NLRX1: variants seen among roughly 807,000 people sequenced by gnomAD.
NLRX1 encodes NLR family member X1.
In NLRX1, 67 loss-of-function variants were observed where a neutral mutation model predicts 74.2. The ratio of observed to expected loss-of-function variants is 0.90; its 90% CI spans 0.74 to 1.11. NLRX1 has a LOEUF of 1.11. Ranked by LOEUF, NLRX1 falls within the 50% of genes least tolerant of loss-of-function variation. NLRX1 has a pLI of 0.00. For missense variants in NLRX1, 1,191 were observed against 1,305.4 expected (o/e 0.91, Z 1.35); for synonymous variants, 506 against 559.1 (o/e 0.91, Z 1.34).
Position 119,168,828 on chromosome 11 carries a change from A to T in NLRX1, c.-523A>T, listed in dbSNP as rs1454363240. 6.6e-6 allele frequency: 1 copy of T among 151,800 alleles called. No homozygotes were observed. The highest frequency in any genetic ancestry group is 1.9e-4 in the East Asian group (1 of 5,156). The allele number at this position is 151,800 out of a possible 1,614,324, so 9.4% of individuals were successfully genotyped here. A position where few individuals can be genotyped will look rare whatever the true frequency, so the allele number is the denominator to read the frequency against. ...CCGGAGCACCGGGCCCCTCTCGCTG[A>T]CCCCCTCGTCCCAGGACCCCGCAGG... is the stretch of plus-strand genomic sequence containing the variant. On this transcript the variant is annotated 5_prime_UTR_variant, in exon 1 of 10. An upstream open reading frame in the 5' UTR loses its in-frame stop. Transcript: ENST00000409109.
At position 119,174,114 on chromosome 11, in the gene NLRX1, C is replaced by T. The variant is rs1458128936; in HGVS notation, c.849+16C>T. 2 of 1,610,970 alleles carry T rather than the reference C, an allele frequency of 1.2e-6. No individual in the cohort carries two copies. Among genetic ancestry groups the T allele is most frequent in the African/African-American group, 1.3e-5 (1 of 74,894 alleles). ...GCTGCCTCAGGTGGGTGGCCCTTTA[C>T]CCCAGGTTATCACTGCTGCCCGTTG... On this transcript the variant is annotated intron_variant, in intron 5 of 9. Coordinates refer to ENST00000409109, the MANE Select transcript of NLRX1 (RefSeq NM_001282144.2).
In NLRX1 at chr11:119,173,442, C is replaced by G. The variant is rs1161289802; in HGVS notation, c.230-37C>G. 1 of 1,594,168 alleles carries G rather than the reference C, an allele frequency of 6.3e-7. No individual in the cohort carries two copies. The highest frequency in any genetic ancestry group is 1.7e-5 in the Admixed American group (1 of 59,548). Reference sequence around the variant, plus strand: ...TGGCCCTAAGCTACATCTCCAGGCCCCTTTCCCTGACACATTTCCCTTATC... The same window carrying G: ...TGGCCCTAAGCTACATCTCCAGGCCGCTTTCCCTGACACATTTCCCTTATC... On this transcript the variant is annotated intron_variant, in intron 4 of 9. Transcript: ENST00000409109. The surrounding 1 kb of genome is among the most constrained non-coding windows in gnomAD (Gnocchi z 4.0).
rs756902245 is a variant in NLRX1, at chr11:119,179,862, C to G, written c.1841C>G (p.Pro614Arg). The G allele has an allele frequency of 1.5e-5, 25 of 1,613,888 alleles. No individual in the cohort carries two copies. The highest frequency in any genetic ancestry group is 2.0e-5 in the Non-Finnish European group (24 of 1,179,956). ...GGCCCCCGGCGCCACCCAGATGAGC[C>G]CCCTGAGGATGAAGTCTTCGAGCTC... ...VEGPRRHPDE[P>R]PEDEVFELFP... Residue 614 changes from proline to arginine, a missense_variant, in exon 7 of 10, where the codon CCC (proline) becomes CGC (arginine). Coordinates refer to ENST00000409109, the MANE Select transcript of NLRX1 (RefSeq NM_001282144.2).
In NLRX1 at chr11:119,179,733, G is replaced by C; in HGVS notation, c.1712G>C (p.Arg571Pro). Residue 571 changes from arginine to proline, a missense_variant, in exon 7 of 10, where the codon CGG becomes CCG. Coordinates refer to ENST00000409109, the MANE Select transcript of NLRX1 (RefSeq NM_001282144.2). ...RVFGRMVGKS[R>P]EAVAQAMVLE... is the part of the protein sequence containing the mutation. ...TTTGGGCGCATGGTGGGTAAAAGCC[G>C]GGAGGCGGTGGCTCAGGCCATGGTG... 6.2e-7 allele frequency: 1 copy of C among 1,610,886 alleles called. No homozygotes were observed. Among genetic ancestry groups the C allele is most frequent in the Non-Finnish European group, 8.5e-7 (1 of 1,177,784 alleles).
intron 1 of NLRX1, among the ~76,000 whole-genome samples, chr11:119,170,863 G>A (rs1343992128): frequency 1.3e-5 from 2 of 152,214 alleles, no homozygotes; most frequent in Non-Finnish European, 2.9e-5. Flanking sequence ...TGGCAGGAAG[G>A]CCAGGTGTGA....
At position 119,169,184 on chromosome 11, in the gene NLRX1, C is replaced by G. The variant is rs556567536; in HGVS notation, c.-167C>G. On this transcript the variant is annotated 5_prime_UTR_variant, in exon 1 of 10. Coordinates refer to ENST00000409109, the MANE Select transcript of NLRX1 (RefSeq NM_001282144.2). ...AGAACGAGAGGGACGGAGCTGGGCG[C>G]TGAATGGCGGGCGTTCTGGCAAGTC... The G allele has an allele frequency of 1.3e-5, 2 of 152,634 alleles. No homozygotes were observed. Among genetic ancestry groups the G allele is most frequent in the South Asian group, 4.1e-4 (2 of 4,846 alleles). The allele number at this position is 152,634 out of a possible 1,614,324, so 9.5% of individuals were successfully genotyped here.
chr11:119,179,226 T>C (rs1433408494), intron 6 of NLRX1, among the ~76,000 whole-genome samples: 3 of 152,162 alleles, frequency 2.0e-5, no homozygotes, highest in Non-Finnish European at 4.4e-5. Context: ...CACCACCTCC[T>C]GGGTTTGAAA....
intron 9 of NLRX1, among the ~76,000 whole-genome samples, chr11:119,182,811 C>T (rs933450009): frequency 1.3e-5 from 2 of 151,542 alleles, no homozygotes; most frequent in Admixed American, 1.3e-4. Flanking sequence ...CACCTGAACC[C>T]GGCAGGTGGA....
intron 6 of NLRX1, among the ~76,000 whole-genome samples, chr11:119,176,024 G>C (rs1179747041): frequency 1.3e-5 from 2 of 152,164 alleles, no homozygotes. Flanking sequence ...ACTTGTCCAA[G>C]ATCACTCAAA....
At chr11:119,182,923 A>C (rs561516126) in intron 9 of NLRX1, among the ~76,000 whole-genome samples, 195 bp from the exon 10 acceptor site, 126 of 151,364 alleles carry the variant, frequency 8.3e-4, no homozygotes, top group African/African-American at 1.9e-3. Flanking sequence ...CAAAAACAAA[A>C]AAAAAAAAGA....
At chr11:119,181,786 A>C (rs1948842055) in intron 8 of NLRX1, among the ~76,000 whole-genome samples, 1 of 152,134 alleles carries the variant, frequency 6.6e-6, no homozygotes, top group African/African-American at 2.4e-5. Flanking sequence ...AAAAAGGCAG[A>C]AAAAGGGAAA....
Position 119,174,661 on chromosome 11 carries a change from T to C in NLRX1, c.1058T>C (p.Met353Thr), listed in dbSNP as rs1402635875. The C allele has an allele frequency of 6.2e-7, 1 of 1,614,072 alleles. No individual in the cohort carries two copies. Among genetic ancestry groups the C allele is most frequent in the South Asian group, 1.1e-5 (1 of 91,090 alleles). The change falls in exon 6 of 10, where the codon ATG becomes ACG. Residue 353 changes from methionine (M) to threonine (T), a missense_variant. Transcript: ENST00000409109. The stretch of plus-strand genomic sequence containing the variant: ...GCTCAGCGTGACCACCTGGTGCAGA[T>C]GCTCTCCCGGAACCTGGAGGGGCAC... ...TPAQRDHLVQ[M>T]LSRNLEGHHQ...
chr11:119,182,385 GACT>G (rs1565835995), intron 9 of NLRX1, 40 bp downstream of exon 9: 1 of 1,590,776 alleles, frequency 6.3e-7, no homozygotes, highest in Non-Finnish European at 8.6e-7. Context: ...CAGCCCTTCA[GACT>G]ACTTCCCTCT....
At position 119,176,643 on chromosome 11, in the gene NLRX1, C is replaced by T. The variant is rs909736156; in HGVS notation, c.1671+1369C>T. Among the ~76,000 whole-genome samples, 16 of 151,730 alleles carry T rather than the reference C, an allele frequency of 1.1e-4. 1 individual carries two copies. The South Asian group carries it at 2.5e-3, about 24-fold the overall frequency. ...CAGAGGTTGCAGTGAGCCAAGATTG[C>T]GCCACTGCACTCCAGCCTGAGCAAC... On this transcript the variant is annotated intron_variant, in intron 6 of 9. Coordinates refer to ENST00000409109, the MANE Select transcript of NLRX1 (RefSeq NM_001282144.2).
At position 119,174,646 on chromosome 11, in the gene NLRX1, A is replaced by G. The variant is rs769225231; in HGVS notation, c.1043A>G (p.Asp348Gly). ...SGVSATPAQR[D>G]HLVQMLSRNL... ...GTCTCTGCCACACCAGCTCAGCGTG[A>G]CCACCTGGTGCAGATGCTCTCCCGG... The change falls in exon 6 of 10, where the codon GAC becomes GGC. Residue 348 changes from aspartate (D) to glycine (G), a missense_variant. Transcript: ENST00000409109. 1.2e-6 allele frequency: 2 copies of G among 1,614,038 alleles called. No homozygotes were observed. The highest frequency in any genetic ancestry group is 2.2e-5 in the South Asian group (2 of 91,088).
At chr11:119,181,742 A>C (rs1948841171) in intron 8 of NLRX1, among the ~76,000 whole-genome samples, 1 of 151,872 alleles carries the variant, frequency 6.6e-6, no homozygotes, top group African/African-American at 2.4e-5. Context: ...GGGGAGTCAG[A>C]GGGGAGGGAG....
chr11:119,182,007 C>T, intron 8 of NLRX1, 87 bp from the exon 9 acceptor site: 1 of 1,519,800 alleles, frequency 6.6e-7, no homozygotes, highest in Admixed American at 1.7e-5. Flanking sequence ...ACAGGGCTGC[C>T]CCATTAAGGC....
chr11:119,173,019 G>T lies in NLRX1; in HGVS notation c.229+30G>T. ...AGGGACTGGCTGGGACCCTGGTCAGGGGGTGTGGTGGGCAGACGGGGCTGG... is the reference window on the plus strand; with the variant it reads ...AGGGACTGGCTGGGACCCTGGTCAGTGGGTGTGGTGGGCAGACGGGGCTGG... On this transcript the variant is annotated intron_variant, in intron 4 of 9. Transcript: ENST00000409109. The surrounding 1 kb of genome is among the most constrained non-coding windows in gnomAD (Gnocchi z 4.0). The T allele has an allele frequency of 6.4e-7, 1 of 1,564,184 alleles. No homozygotes were observed. The highest frequency in any genetic ancestry group is 8.8e-7 in the Non-Finnish European group (1 of 1,135,592).
Position 119,179,933 on chromosome 11 carries a change from G to A in NLRX1, c.1912G>A (p.Val638Met). 6.2e-7 allele frequency: 1 copy of A among 1,612,884 alleles called. No individual in the cohort carries two copies. The highest frequency in any genetic ancestry group is 1.1e-5 in the South Asian group (1 of 91,050). ...GCTTCTCTCTGCCCACAACCGAGCTGTGCTAGCTCAGCTTGGCTGCCCCAT... is the reference window on the plus strand; with the variant it reads ...GCTTCTCTCTGCCCACAACCGAGCTATGCTAGCTCAGCTTGGCTGCCCCAT... ...GGLLSAHNRA[V>M]LAQLGCPIKN... The change falls in exon 7 of 10, where the codon GTG (valine) becomes ATG (methionine). Residue 638 changes from valine (V) to methionine (M), a missense_variant. Coordinates refer to ENST00000409109, the MANE Select transcript of NLRX1 (RefSeq NM_001282144.2).
Sources: gnomAD v4.1 joint callset for allele counts (sites outside exome capture counted in the v4.1 genomes callset) on GRCh38, gnomAD v4.1.1 for gene constraint, Gnocchi (gnomAD v3.1) non-coding constraint, MANE v1.5 for transcripts, NCBI Gene and HGNC (gene_info 2026-07-23, HGNC 2026-07-21) for gene names.